Variants in CHL1 observed in about 807,000 individuals in gnomAD.
CHL1 encodes neural cell adhesion molecule L1-like protein.
Under a neutral mutation model 141.9 loss-of-function variants are expected in CHL1, and 96 were observed. The ratio of observed to expected loss-of-function variants is 0.68; its 90% CI spans 0.57 to 0.80. CHL1 has a LOEUF of 0.80. CHL1 is among the 30% of genes least tolerant of loss of function. The pLI is 0.00. For synonymous variants in CHL1, 613 were observed against 502.2 expected (o/e 1.22, Z -2.95); for missense variants, 1,820 against 1,457.2 (o/e 1.25, Z -4.05).
intron 2 of CHL1, among the ~76,000 whole-genome samples, chr3:300,205 A>G (rs1038931339): frequency 6.6e-6 from 1 of 152,232 alleles, no homozygotes; most frequent in South Asian, 2.1e-4. Context: ...AGGGGACCCA[A>G]GATATCAGTT....
rs1434244110 is a variant in CHL1, at chr3:408,788, T to G, written c.*3077T>G. On this transcript the variant is annotated 3_prime_UTR_variant, in exon 28 of 28. Transcript: ENST00000256509. ...TATACAAAAGTGTTTTCCACTAATT[T>G]TGCATGCGTATTTATAAGAAAAATG... 6.6e-6 allele frequency: 1 copy of G among 152,144 alleles called. No individual in the cohort carries two copies. Among genetic ancestry groups the G allele is most frequent in the Non-Finnish European group, 1.5e-5 (1 of 67,994 alleles). The allele number at this position is 152,144 out of a possible 1,614,324, so 9.4% of individuals were successfully genotyped here.
At chr3:360,656 T>C (rs1039505742) in intron 12 of CHL1, among the ~76,000 whole-genome samples, 1 of 151,124 alleles carries the variant, frequency 6.6e-6, no homozygotes, top group Non-Finnish European at 1.5e-5. Flanking sequence ...TAGTTACATA[T>C]GTATACATGT....
At chr3:345,544 C>T (rs181938578) in intron 9 of CHL1, among the ~76,000 whole-genome samples, 38 of 151,838 alleles carry the variant, frequency 2.5e-4, no homozygotes, top group African/African-American at 8.7e-4. Flanking sequence ...AGTGCAGAGG[C>T]GCGATCTCAG....
chr3:269,464 C>T (rs1321800903), intron 2 of CHL1, among the ~76,000 whole-genome samples: 1 of 152,166 alleles, frequency 6.6e-6, no homozygotes, highest in East Asian at 1.9e-4. Flanking sequence ...GGAGCACCTA[C>T]ATTCTCGCCT....
chr3:366,097 A>G lies in CHL1; in HGVS notation c.1733A>G (p.Asn578Ser). 2 of 1,613,810 alleles carry G rather than the reference A, an allele frequency of 1.2e-6. No homozygotes were observed. Among genetic ancestry groups the G allele is most frequent in the Non-Finnish European group, 8.5e-7 (1 of 1,179,824 alleles). Residue 578 changes from asparagine to serine, a missense_variant, in exon 15 of 28, where the codon AAT becomes AGT. Transcript: ENST00000256509. ...AAAGATGGAGAAGCCTTTGAAATTAATGGCACAGAAGATGGCAGGTAGGTA... is the reference window on the plus strand; with the variant it reads ...AAAGATGGAGAAGCCTTTGAAATTAGTGGCACAGAAGATGGCAGGTAGGTA... ...WSKDGEAFEINGTEDGRIIID... is the reference protein window; with the variant it reads ...WSKDGEAFEISGTEDGRIIID...
At chr3:240,493 A>T (rs1182326694) in intron 1 of CHL1, among the ~76,000 whole-genome samples, 1 of 152,002 alleles carries the variant, frequency 6.6e-6, no homozygotes. Flanking sequence ...TAGATTCTGG[A>T]TGTCAGTCCT....
chr3:221,162 T>A (rs562860318), intron 1 of CHL1, among the ~76,000 whole-genome samples: 1 of 152,216 alleles, frequency 6.6e-6, no homozygotes, highest in Non-Finnish European at 1.5e-5. Flanking sequence ...TTTATTGATG[T>A]CTTATTTCTC....
At chr3:323,676 A>T (rs1484974663) in intron 3 of CHL1, among the ~76,000 whole-genome samples, 2 of 152,126 alleles carry the variant, frequency 1.3e-5, no homozygotes, top group Non-Finnish European at 2.9e-5. Flanking sequence ...CCCTATTTCA[A>T]CAGATGAAAT....
intron 14 of CHL1, 186 bp downstream of exon 14, chr3:363,569 T>TA: frequency 1.8e-6 from 1 of 557,292 alleles, no homozygotes; most frequent in South Asian, 2.3e-5. Context: ...ATGCCCATGA[T>TA]ATGTGCACAG....
In CHL1 at chr3:326,033, G is replaced by C. The variant is rs1182816697; in HGVS notation, c.166G>C (p.Glu56Gln). ...AFPFDEYFQIECEAKGNPEPT... is the reference protein window; with the variant it reads ...AFPFDEYFQIQCEAKGNPEPT... Reference sequence around the variant, plus strand: ...TCCCTTCGATGAGTATTTTCAAATTGAATGTGAAGCTAAAGGAAATCCAGA... The same window carrying C: ...TCCCTTCGATGAGTATTTTCAAATTCAATGTGAAGCTAAAGGAAATCCAGA... Residue 56 changes from glutamate to glutamine, a missense_variant, in exon 4 of 28, where the codon GAA becomes CAA. Transcript: ENST00000256509. 1.2e-6 allele frequency: 2 copies of C among 1,611,316 alleles called. No individual in the cohort carries two copies. Among genetic ancestry groups the C allele is most frequent in the Non-Finnish European group, 8.5e-7 (1 of 1,178,288 alleles).
Position 273,356 on chromosome 3 carries a change from A to C in CHL1, c.-95+28664A>C, listed in dbSNP as rs140560892. On this transcript the variant is annotated intron_variant, in intron 2 of 27. Coordinates refer to ENST00000256509, the MANE Select transcript of CHL1 (RefSeq NM_006614.4). ...GGACCAAAGGAGAGTTCCTTACCCA[A>C]GAACCTGAATCAATATGTTTTAGTT... Among the ~76,000 whole-genome samples, 226 of 152,346 alleles carry C rather than the reference A, an allele frequency of 1.5e-3. 1 individual carries two copies. Among genetic ancestry groups the C allele is most frequent in the Non-Finnish European group, 2.7e-3 (186 of 68,028 alleles).
At chr3:309,694 T>C (rs1243872769) in intron 2 of CHL1, among the ~76,000 whole-genome samples, 2 of 151,964 alleles carry the variant, frequency 1.3e-5, no homozygotes, top group African/African-American at 4.8e-5. Context: ...AAGAAAATCT[T>C]TGTAGAGATG....
intron 26 of CHL1, among the ~76,000 whole-genome samples, chr3:401,060 C>T (rs1368087772): frequency 6.6e-6 from 1 of 151,882 alleles, no homozygotes; most frequent in African/African-American, 2.4e-5. Flanking sequence ...TGCTACCATG[C>T]CTGGCTAATT....
Position 229,760 on chromosome 3 carries a change from A to G in CHL1, c.-174-14853A>G, listed in dbSNP as rs553825231. 1.4e-4 allele frequency among the ~76,000 whole-genome samples: 22 copies of G among 152,266 alleles called. 1 individual carries two copies. The highest frequency in any genetic ancestry group is 3.4e-3 in the Middle Eastern group (1 of 294). ...TATTCTTTTACATGGTTTTGAAAAAACAAAACAAAACAAAATGTTGACTGT... is the reference window on the plus strand; with the variant it reads ...TATTCTTTTACATGGTTTTGAAAAAGCAAAACAAAACAAAATGTTGACTGT... On this transcript the variant is annotated intron_variant, in intron 1 of 27. Coordinates refer to ENST00000256509, the MANE Select transcript of CHL1 (RefSeq NM_006614.4).
chr3:239,658 C>G (rs543191091), intron 1 of CHL1, among the ~76,000 whole-genome samples: 1 of 150,774 alleles, frequency 6.6e-6, no homozygotes, highest in South Asian at 2.1e-4. Context: ...TATTTGGTTG[C>G]GTAAGTTCTT....
chr3:236,667 T>C (rs1457209308), intron 1 of CHL1, among the ~76,000 whole-genome samples: 2 of 152,174 alleles, frequency 1.3e-5, no homozygotes, highest in African/African-American at 2.4e-5. Context: ...GCCAAGGTTG[T>C]AGAAAACATT....
chr3:402,220 A>G (rs1387065609), intron 27 of CHL1, among the ~76,000 whole-genome samples: 1 of 152,234 alleles, frequency 6.6e-6, no homozygotes, highest in Non-Finnish European at 1.5e-5. Flanking sequence ...GATTTTGGAA[A>G]AAGAATCATC....
intron 2 of CHL1, among the ~76,000 whole-genome samples, chr3:294,023 A>T (rs1256107095): frequency 6.6e-6 from 1 of 151,940 alleles, no homozygotes; most frequent in African/African-American, 2.4e-5. Context: ...TAGATTTTTA[A>T]AATAAAGGTT....
At position 341,984 on chromosome 3, in the gene CHL1, A is replaced by G. The variant is rs1424004448; in HGVS notation, c.581A>G (p.Glu194Gly). 6.2e-7 allele frequency: 1 copy of G among 1,613,676 alleles called. No individual in the cohort carries two copies. Among genetic ancestry groups the G allele is most frequent in the Admixed American group, 1.7e-5 (1 of 59,986 alleles). ...QKGDLYFANV[E>G]EKDSRNDYCC... Reference sequence around the variant, plus strand: ...GGAGATCTATACTTCGCAAACGTGGAAGAAAAGGACAGTCGCAATGACTAC... The same window carrying G: ...GGAGATCTATACTTCGCAAACGTGGGAGAAAAGGACAGTCGCAATGACTAC... Residue 194 changes from glutamate to glycine, a missense_variant, in exon 7 of 28, where the codon GAA becomes GGA. Glu to Gly is a moderately conservative substitution (Grantham distance 98, BLOSUM62 -2). Coordinates refer to ENST00000256509, the MANE Select transcript of CHL1 (RefSeq NM_006614.4).
Sources: allele counts gnomAD v4.1 joint callset (sites outside exome capture counted in the v4.1 genomes callset), GRCh38; gene constraint gnomAD v4.1.1; transcripts MANE v1.5; gene names NCBI Gene and HGNC (gene_info 2026-07-23, HGNC 2026-07-21).